The following DLC1 variants were observed in gnomAD, a reference collection of about 807,000 sequenced individuals.
The protein encoded by DLC1 is DLC1 Rho GTPase activating protein, also known as rho GTPase-activating protein 7.
Under a neutral mutation model 140.3 loss-of-function variants are expected in DLC1, and 54 were observed. The ratio of observed to expected loss-of-function variants is 0.38; its 90% CI spans 0.31 to 0.48. DLC1 has a LOEUF of 0.48. Ranked by LOEUF, DLC1 falls within the 20% of genes least tolerant of loss-of-function variation. DLC1 has a pLI of 0.96. For missense variants in DLC1, 2,536 were observed against 1,907.0 expected, an observed-to-expected ratio of 1.33 and a Z score of -6.14; for synonymous variants, 986 against 728.1, an observed-to-expected ratio of 1.35 and a Z score of -5.70.
upstream of DLC1, chr8:13,515,693 A>G (rs1802564742): frequency 6.6e-6 from 1 of 152,178 alleles, no homozygotes; most frequent in East Asian, 1.9e-4. Flanking sequence ...CCTCCCTTGA[A>G]TGACTTCCTC....
rs115868256 is a variant in DLC1 at position 13,554,343 on chromosome 8, C to A, written c.-126+50194G>T. Among the ~76,000 whole-genome samples the A allele has an allele frequency of 3.0e-3, 455 of 152,164 alleles. 6 individuals are homozygous for A. Among genetic ancestry groups the A allele is most frequent in the African/African-American group, 0.011 (446 of 41,532 alleles). On this transcript the variant is annotated intron_variant, in intron 1 of 1. Coordinates refer to the DLC1 transcript ENST00000631382. Reference sequence around the variant, plus strand: ...AGCCTCCCAAAATGCTGGGATTACGCGCGTGAGCCACTGCATCTGGCTATA... The same window carrying A: ...AGCCTCCCAAAATGCTGGGATTACGAGCGTGAGCCACTGCATCTGGCTATA...
At position 13,595,903 on chromosome 8, in the gene DLC1, C is replaced by T. The variant is rs557044735; in HGVS notation, c.-126+8634G>A. Among the ~76,000 whole-genome samples, 25 of 151,992 alleles carry T rather than the reference C, an allele frequency of 1.6e-4. No individual in the cohort carries two copies. In the South Asian group the frequency reaches 3.9e-3, roughly 24 times the overall value. ...CTATGATAATTGCACGTTACCACATCAGAATTTTCATTTCTAAATATATCA... is the reference window on the plus strand; with the variant it reads ...CTATGATAATTGCACGTTACCACATTAGAATTTTCATTTCTAAATATATCA... On this transcript the variant is annotated intron_variant, in intron 1 of 1. Coordinates refer to the DLC1 transcript ENST00000631382.
chr8:13,398,605 CAAAAA>C (rs55898759), intron 3 of DLC1, among the ~76,000 whole-genome samples: 1,841 of 113,096 alleles, frequency 0.016, 46 homozygotes, highest in African/African-American at 0.057. Context: ...CCATCTCTAC[CAAAAA>C]AAAAAAAAAA....
intron 5 of DLC1, among the ~76,000 whole-genome samples, chr8:13,248,131 G>C (rs959896518): frequency 6.6e-6 from 1 of 152,176 alleles, no homozygotes. Flanking sequence ...GTTGTTAAAT[G>C]AACCACTTCC....
Position 13,579,386 on chromosome 8 carries a change from A to ATT in DLC1, c.-126+25149_-126+25150dup, listed in dbSNP as rs1350670080. Among the ~76,000 whole-genome samples, 10 of 26,390 alleles carry ATT rather than the reference A, an allele frequency of 3.8e-4. 1 individual carries two copies. The highest frequency in any genetic ancestry group is 7.6e-4 in the African/African-American group (10 of 13,176). 17.3% of individuals were successfully genotyped at this position (26,390 alleles called of 152,430 possible). On this transcript the variant is annotated intron_variant, in intron 1 of 1. Coordinates refer to the DLC1 transcript ENST00000631382. ...ATTTTTATATAATACATATTTATAT[A>ATT]TTATATATTATATATTTAATATATT... is the stretch of plus-strand genomic sequence containing the variant.
chr8:13,217,188 G>A (rs1828245418), intron 5 of DLC1, among the ~76,000 whole-genome samples: 1 of 152,280 alleles, frequency 6.6e-6, no homozygotes, highest in Middle Eastern at 3.4e-3. Flanking sequence ...TTGTATAGCT[G>A]TGAGATGCTT....
intron 1 of DLC1, chr8:13,536,015 G>A (rs1035460835): frequency 6.6e-6 from 1 of 152,224 alleles, no homozygotes; most frequent in African/African-American, 2.4e-5. Flanking sequence ...TAACACCAAG[G>A]AGAACAACAA....
Position 13,502,617 on chromosome 8 carries a change from A to T in DLC1, c.-125-2421T>A, listed in dbSNP as rs574703496. Among the ~76,000 whole-genome samples the T allele has an allele frequency of 2.0e-5, 3 of 152,338 alleles. No homozygotes were observed. The South Asian group carries it at 6.2e-4, about 32-fold the overall frequency. On this transcript the variant is annotated intron_variant, in intron 1 of 17. Transcript: ENST00000276297. ...TCTGAGTTTATAGGTCTCATTTCCT[A>T]AATCATCTGAATTGATTATAATCTA...
At position 13,099,522 on chromosome 8, in the gene DLC1, A is replaced by G; in HGVS notation, c.2815T>C (p.Ser939Pro). 1 of 1,614,172 alleles carries G rather than the reference A, an allele frequency of 6.2e-7. No individual in the cohort carries two copies. Among genetic ancestry groups the G allele is most frequent in the Non-Finnish European group, 8.5e-7 (1 of 1,180,038 alleles). ...DEGDSDSALD[S>P]VSPCPSSPKQ... ...GGAGAGGACGGGCAGGGAGAGACCGAGTCCAGGGCTGAGTCCGAATCTCCC... is the reference window on the plus strand; with the variant it reads ...GGAGAGGACGGGCAGGGAGAGACCGGGTCCAGGGCTGAGTCCGAATCTCCC... Residue 939 changes from serine to proline, a missense_variant, in exon 9 of 18, where the codon TCG (serine) becomes CCG (proline). Coordinates refer to ENST00000276297, the MANE Select transcript of DLC1 (RefSeq NM_182643.3).
At chr8:13,334,482 T>A (rs1239945853) in intron 4 of DLC1, among the ~76,000 whole-genome samples, 1 of 151,946 alleles carries the variant, frequency 6.6e-6, no homozygotes, top group Non-Finnish European at 1.5e-5. Flanking sequence ...ACTGTGCACA[T>A]GGGGTAGACT....
intron 5 of DLC1, among the ~76,000 whole-genome samples, chr8:13,125,660 C>G (rs779662733): frequency 1.3e-5 from 2 of 152,086 alleles, no homozygotes; most frequent in African/African-American, 4.8e-5. Context: ...AGTGCCCTCA[C>G]TTGTAAATCA....
intron 1 of DLC1, among the ~76,000 whole-genome samples, chr8:13,525,614 A>G (rs1388180304): frequency 6.6e-6 from 1 of 152,110 alleles, no homozygotes; most frequent in Non-Finnish European, 1.5e-5. Flanking sequence ...TCACATGCGT[A>G]TTTGTCAGCA....
chr8:13,420,584 G>A (rs1052197529), intron 2 of DLC1, among the ~76,000 whole-genome samples: 11 of 151,846 alleles, frequency 7.2e-5, no homozygotes, highest in African/African-American at 2.4e-4. Context: ...TGACAGGCCC[G>A]GGTGTGTGAT....
intron 2 of DLC1, among the ~76,000 whole-genome samples, chr8:13,420,398 C>T (rs549471847): frequency 6.6e-6 from 1 of 152,036 alleles, no homozygotes; most frequent in African/African-American, 2.4e-5. Flanking sequence ...CAATAACTGA[C>T]TATTTTTTTT....
intron 5 of DLC1, among the ~76,000 whole-genome samples, chr8:13,159,345 C>A (rs1014789748): frequency 6.6e-6 from 1 of 152,146 alleles, no homozygotes; most frequent in African/African-American, 2.4e-5. Context: ...GGCAGTGGTG[C>A]CAGCCACCCC....
At chr8:13,225,026 T>C (rs1450171160) in intron 5 of DLC1, among the ~76,000 whole-genome samples, 1 of 152,128 alleles carries the variant, frequency 6.6e-6, no homozygotes, top group African/African-American at 2.4e-5. Flanking sequence ...TACCAGGAAA[T>C]GACAGGCCAG....
rs1297478912 is a variant in DLC1, at chr8:13,086,466, G to A, written c.4293-3C>T. On this transcript the variant is annotated splice_region_variant and splice_polypyrimidine_tract_variant and intron_variant, in intron 16 of 17. Coordinates refer to ENST00000276297, the MANE Select transcript of DLC1 (RefSeq NM_182643.3). The stretch of plus-strand genomic sequence containing the variant: ...TGGGTAAATTAGTCCTCCAGGTTCT[G>A]TAGAGACAAAACCAGAGGCAGAAAT... 3 of 1,609,414 alleles carry A rather than the reference G, an allele frequency of 1.9e-6. No individual in the cohort carries two copies. The highest frequency in any genetic ancestry group is 2.2e-5 in the South Asian group (2 of 90,386).
chr8:13,392,014 C>T (rs1287971373), intron 4 of DLC1, among the ~76,000 whole-genome samples: 1 of 151,952 alleles, frequency 6.6e-6, no homozygotes, highest in Non-Finnish European at 1.5e-5. Flanking sequence ...AAAATGAGAT[C>T]TTCCATTTTC....
intron 1 of DLC1, among the ~76,000 whole-genome samples, chr8:13,541,291 G>A (rs1803475869): frequency 6.6e-6 from 1 of 152,100 alleles, no homozygotes; most frequent in African/African-American, 2.4e-5. Flanking sequence ...GCAAAGATGT[G>A]TTTTCTTTCT....
Sources: allele counts gnomAD v4.1 joint callset (sites outside exome capture counted in the v4.1 genomes callset), GRCh38; gene constraint gnomAD v4.1.1; transcripts MANE v1.5; gene names NCBI Gene and HGNC (gene_info 2026-07-23, HGNC 2026-07-21).